Variants in SNTG1 observed in about 807,000 individuals in gnomAD.
SNTG1 encodes gamma-1-syntrophin.
SNTG1 carries 39 observed loss-of-function variants against 74.7 expected under a neutral mutation model. The ratio of observed to expected loss-of-function variants is 0.52; its 90% CI spans 0.40 to 0.68. SNTG1 has a LOEUF of 0.68. Among genes scored for constraint, SNTG1 ranks in the 30% least tolerant of loss-of-function variants. The pLI is 0.00. For missense variants in SNTG1, 685 were observed against 609.5 expected (o/e 1.12, Z -1.30); for synonymous variants, 254 against 217.1 (o/e 1.17, Z -1.49).
intron 9 of SNTG1, among the ~76,000 whole-genome samples, chr8:50,517,616 C>CAAAAAAAAAAAAA (rs1161724778): frequency 2.2e-4 from 14 of 62,338 alleles, no homozygotes; most frequent in Non-Finnish European, 3.0e-4. Context: ...AAATGGAAAG[C>CAAAAAAAAAAAAA]AAAAAAAAAA....
intron 15 of SNTG1, among the ~76,000 whole-genome samples, chr8:50,672,121 G>C (rs915615858): frequency 1.1e-4 from 17 of 149,822 alleles, no homozygotes; most frequent in African/African-American, 3.5e-4. Context: ...GTGCAGCACA[G>C]CAGCATGGCA....
At chr8:50,651,439 C>G (rs1360623697) in intron 13 of SNTG1, among the ~76,000 whole-genome samples, 1 of 152,074 alleles carries the variant, frequency 6.6e-6, no homozygotes, top group Non-Finnish European at 1.5e-5. Flanking sequence ...TTAGTTCAAA[C>G]TATTTTTTAA....
chr8:50,726,855 CAATAA>C (rs1204553900), intron 17 of SNTG1, among the ~76,000 whole-genome samples: 2 of 151,484 alleles, frequency 1.3e-5, no homozygotes, highest in Non-Finnish European at 2.9e-5. Context: ...TCTCAAAAAA[CAATAA>C]AATAAAGTAA....
chr8:50,519,692 C>A (rs2094163414), intron 9 of SNTG1, among the ~76,000 whole-genome samples: 1 of 152,138 alleles, frequency 6.6e-6, no homozygotes, highest in Non-Finnish European at 1.5e-5. Context: ...CCTAAGTGAA[C>A]TCTCATTCAC....
intron 18 of SNTG1, among the ~76,000 whole-genome samples, chr8:50,784,133 C>T (rs2095667923): frequency 6.6e-6 from 1 of 152,168 alleles, no homozygotes; most frequent in South Asian, 2.1e-4. Context: ...TAGGCTTTCA[C>T]TGATCCCGCC....
At chr8:50,625,706 A>C (rs1430802788) in intron 13 of SNTG1, among the ~76,000 whole-genome samples, 2 of 152,238 alleles carry the variant, frequency 1.3e-5, no homozygotes, top group African/African-American at 4.8e-5. Context: ...TATGACAAAA[A>C]GTATTCAATT....
intron 1 of SNTG1, among the ~76,000 whole-genome samples, chr8:50,079,125 A>C (rs138268500): frequency 5.9e-5 from 9 of 152,316 alleles, no homozygotes; most frequent in Non-Finnish European, 1.2e-4. Flanking sequence ...AACCTTGAGG[A>C]ATCGCCACAC....
intron 2 of SNTG1, among the ~76,000 whole-genome samples, chr8:50,334,660 A>G (rs548349946): frequency 8.5e-5 from 13 of 152,356 alleles, no homozygotes; most frequent in African/African-American, 3.1e-4. Context: ...GTCAAAGTCC[A>G]GAAATGCCCA....
chr8:50,217,084 G>A (rs1046195572), intron 2 of SNTG1, among the ~76,000 whole-genome samples: 7 of 151,634 alleles, frequency 4.6e-5, no homozygotes. Flanking sequence ...TGAAACAAAT[G>A]GGCTGACACC....
chr8:50,739,707 G>A (rs371132003), intron 17 of SNTG1, among the ~76,000 whole-genome samples: 1 of 151,864 alleles, frequency 6.6e-6, no homozygotes, highest in African/African-American at 2.4e-5. Flanking sequence ...ACAACGTGGC[G>A]GCATCACTCC....
intron 1 of SNTG1, among the ~76,000 whole-genome samples, chr8:50,050,738 A>G (rs541294423): frequency 2.2e-4 from 33 of 152,202 alleles, no homozygotes; most frequent in African/African-American, 7.7e-4. Flanking sequence ...TCACATGAAA[A>G]GAAAACTACA....
chr8:50,269,985 G>A (rs2087693643), intron 2 of SNTG1, among the ~76,000 whole-genome samples: 1 of 152,038 alleles, frequency 6.6e-6, no homozygotes, highest in Non-Finnish European at 1.5e-5. Flanking sequence ...TTTAATTCTT[G>A]TTTAATCCTT....
At chr8:50,557,803 A>G (rs1420958598) in intron 12 of SNTG1, among the ~76,000 whole-genome samples, 1 of 152,230 alleles carries the variant, frequency 6.6e-6, no homozygotes, top group East Asian at 1.9e-4. Flanking sequence ...TGGCAGGTGA[A>G]CAACATGATT....
At chr8:50,673,737 G>A (rs1415268694) in intron 15 of SNTG1, among the ~76,000 whole-genome samples, 3 of 152,098 alleles carry the variant, frequency 2.0e-5, no homozygotes, top group Non-Finnish European at 4.4e-5. Context: ...GTGAGAGAGG[G>A]CATCCTTGTC....
chr8:50,666,027 C>A (rs971866561), intron 15 of SNTG1, among the ~76,000 whole-genome samples: 2 of 152,064 alleles, frequency 1.3e-5, no homozygotes, highest in Non-Finnish European at 2.9e-5. Context: ...GGGAGACAGA[C>A]TATAATAATT....
intron 1 of SNTG1, among the ~76,000 whole-genome samples, chr8:49,958,571 C>T (rs1024972289): frequency 3.3e-5 from 5 of 152,130 alleles, no homozygotes; most frequent in African/African-American, 1.2e-4. Flanking sequence ...CAGGCGCCTG[C>T]CACCACGCCT....
At chr8:50,395,506 G>T (rs57803116) in intron 3 of SNTG1, among the ~76,000 whole-genome samples, 1 of 135,666 alleles carries the variant, frequency 7.4e-6, no homozygotes. Flanking sequence ...TCTAATTTCT[G>T]TTTTTTTTTT....
intron 1 of SNTG1, among the ~76,000 whole-genome samples, chr8:49,923,986 T>C (rs1404101904): frequency 6.6e-6 from 1 of 152,168 alleles, no homozygotes; most frequent in Non-Finnish European, 1.5e-5. Context: ...ATATCTTGGA[T>C]TGCTAAAGCA....
intron 2 of SNTG1, among the ~76,000 whole-genome samples, chr8:50,317,151 A>G (rs1395988378): frequency 6.6e-6 from 1 of 152,256 alleles, no homozygotes; most frequent in Non-Finnish European, 1.5e-5. Context: ...GAAATTTGGT[A>G]ATCTCATTAG....
Sources: gnomAD v4.1 joint callset for allele counts (sites outside exome capture counted in the v4.1 genomes callset) on GRCh38, gnomAD v4.1.1 for gene constraint, MANE v1.5 for transcripts, NCBI Gene and HGNC (gene_info 2026-07-23, HGNC 2026-07-21) for gene names.